The following ABCC4 variants were observed in gnomAD, a reference collection of about 807,000 sequenced individuals.
ABCC4 encodes the protein ATP binding cassette subfamily C member 4 (PEL blood group).
Under a neutral mutation model 168.5 loss-of-function variants are expected in ABCC4, and 102 were observed. The observed-to-expected ratio is 0.61, with a 90% confidence interval of 0.52 to 0.71. The LOEUF (loss-of-function observed/expected upper bound fraction) is 0.71, where lower values mean the gene tolerates loss of function less well. ABCC4 is among the 30% of genes least tolerant of loss of function. The pLI is 0.00. For missense variants in ABCC4, 1,402 were observed against 1,605.8 expected (o/e 0.87, Z 2.17); for synonymous variants, 617 against 590.7 (o/e 1.04, Z -0.65).
intron 1 of ABCC4, among the ~76,000 whole-genome samples, chr13:95,288,568 G>A (rs1181154711): frequency 6.6e-6 from 1 of 152,204 alleles, no homozygotes; most frequent in African/African-American, 2.4e-5. Flanking sequence ...CACTTTGGGA[G>A]GCTGAGGTGG....
At chr13:95,301,099 C>T (rs1316149311) in intron 1 of ABCC4, 142 bp downstream of exon 1, 1 of 740,354 alleles carries the variant, frequency 1.4e-6, no homozygotes, top group Non-Finnish European at 2.0e-6. Context: ...CAGAAAGCCC[C>T]GGCGTGGACC....
At chr13:95,212,348 A>C (rs1372315805) in intron 4 of ABCC4, among the ~76,000 whole-genome samples, 1 of 152,150 alleles carries the variant, frequency 6.6e-6, no homozygotes, top group African/African-American at 2.4e-5. Context: ...ACTATCTGTA[A>C]ATATTTATAA....
intron 9 of ABCC4, among the ~76,000 whole-genome samples, chr13:95,192,240 G>A (rs17268122): frequency 2.0e-5 from 3 of 151,998 alleles, no homozygotes; most frequent in East Asian, 1.9e-4. Flanking sequence ...GTCTTTCTCC[G>A]AAATCCCAGC....
chr13:95,186,906 T>TA lies in ABCC4; in HGVS notation c.1354-15dup, dbSNP rs1361220911. The TA allele has an allele frequency of 1.8e-5, 28 of 1,595,070 alleles. No individual in the cohort carries two copies. Among genetic ancestry groups the TA allele is most frequent in the African/African-American group, 1.3e-4 (10 of 74,300 alleles). On this transcript the variant is annotated splice_polypyrimidine_tract_variant and intron_variant, in intron 10 of 30. Transcript: ENST00000645237. ...TAACAGTGATGACTGAAACAGATTG[T>TA]AAAAAAGCACATGTTCAGTCAACAC...
At chr13:95,182,266 G>T (rs1462209711) in intron 11 of ABCC4, among the ~76,000 whole-genome samples, 1 of 152,210 alleles carries the variant, frequency 6.6e-6, no homozygotes, top group East Asian at 1.9e-4. Flanking sequence ...TTATAAGATA[G>T]TGGGTACACC....
chr13:95,039,997 G>A (rs1301864948), intron 29 of ABCC4, among the ~76,000 whole-genome samples: 1 of 152,222 alleles, frequency 6.6e-6, no homozygotes, highest in African/African-American at 2.4e-5. Context: ...TGAAAGGGGT[G>A]TACGGAGAGT....
At chr13:95,198,050 G>T (rs747029390) in intron 8 of ABCC4, among the ~76,000 whole-genome samples, 4 of 152,088 alleles carry the variant, frequency 2.6e-5, no homozygotes, top group Non-Finnish European at 5.9e-5. Flanking sequence ...CATAGGCATG[G>T]CAAAGACTTC....
In ABCC4 at chr13:95,044,517, T is replaced by C. The variant is rs1013774832; in HGVS notation, c.3457-79A>G. ...GTCAAGCCTCATAGACATTAGAACC[T>C]TCAAGTCCCTTCTCTCGAGAGATAT... is the stretch of plus-strand genomic sequence containing the variant. On this transcript the variant is annotated intron_variant, in intron 27 of 30. Transcript: ENST00000645237. 11 of 1,258,356 alleles carry C rather than the reference T, an allele frequency of 8.7e-6. 1 individual carries two copies. In the Admixed American group the frequency reaches 2.8e-4, roughly 32 times the overall value. 77.9% of individuals were successfully genotyped at this position (1,258,356 alleles called of 1,614,324 possible). A position where few individuals can be genotyped will look rare whatever the true frequency, so the allele number is the denominator to read the frequency against.
At chr13:95,258,369 C>T (rs971335861) in intron 1 of ABCC4, among the ~76,000 whole-genome samples, 1 of 152,146 alleles carries the variant, frequency 6.6e-6, no homozygotes, top group African/African-American at 2.4e-5. Flanking sequence ...CCCGTTTGTC[C>T]CCTTGCGTGC....
Position 95,247,099 on chromosome 13 carries a change from C to A in ABCC4, c.186-4G>T, listed in dbSNP as rs766357757. 1.2e-6 allele frequency: 2 copies of A among 1,608,504 alleles called. No individual in the cohort carries two copies. The highest frequency in any genetic ancestry group is 3.4e-5 in the Admixed American group (2 of 58,426). On this transcript the variant is annotated splice_polypyrimidine_tract_variant and splice_region_variant and intron_variant, in intron 2 of 30. Transcript: ENST00000645237. ...TAAAACTTCTTTATCCCAGAACCTA[C>A]AATGAGGAAAAAGCTTCGTAAATAA...
At chr13:95,096,187 AG>A in intron 20 of ABCC4, 4 of 646,360 alleles carry the variant, frequency 6.2e-6, no homozygotes, top group Non-Finnish European at 5.5e-6. Flanking sequence ...TCTCTATGAA[AG>A]AAAAAAAAAA....
chr13:95,108,188 G>A (rs892090537), intron 20 of ABCC4, among the ~76,000 whole-genome samples: 2 of 151,990 alleles, frequency 1.3e-5, no homozygotes, highest in East Asian at 1.9e-4. Context: ...AAAGACACAG[G>A]GGGTAAGAAA....
At chr13:95,285,565 T>C (rs983798935) in intron 1 of ABCC4, among the ~76,000 whole-genome samples, 27 of 152,198 alleles carry the variant, frequency 1.8e-4, no homozygotes, top group African/African-American at 5.8e-4. Flanking sequence ...AATAAATAAA[T>C]AGCAGTTCCA....
chr13:95,052,477 A>G (rs1185637453), intron 27 of ABCC4, among the ~76,000 whole-genome samples: 2 of 152,200 alleles, frequency 1.3e-5, no homozygotes, highest in African/African-American at 4.8e-5. Context: ...AGGGTGAGAA[A>G]ATTTCAAGAA....
chr13:95,088,551 T>G (rs1040137996), intron 20 of ABCC4, among the ~76,000 whole-genome samples: 29 of 152,164 alleles, frequency 1.9e-4, no homozygotes, highest in African/African-American at 6.3e-4. Flanking sequence ...GGATTTAACA[T>G]GAAATCAATG....
At chr13:95,278,494 G>A (rs1297105382) in intron 1 of ABCC4, among the ~76,000 whole-genome samples, 1 of 152,214 alleles carries the variant, frequency 6.6e-6, no homozygotes, top group Non-Finnish European at 1.5e-5. Flanking sequence ...TTCCCAGGAG[G>A]ACCAAGCCCA....
intron 19 of ABCC4, among the ~76,000 whole-genome samples, chr13:95,151,605 A>AAGGAGAAGAAGGAGAAGAAGG (rs1555321599): frequency 1.3e-5 from 1 of 79,408 alleles, no homozygotes; most frequent in African/African-American, 7.3e-5. Context: ...GGAGGAGGAG[A>AAGGAGAAGAAGGAGAAGAAGG]AGGAGAAGGA....
rs1594299158 is a variant in ABCC4 at position 95,207,925 on chromosome 13, C to T, written c.786G>A (p.Arg262=). The change falls in exon 7 of 31, where the codon AGG becomes AGA. Residue 262 remains arginine, a splice_region_variant and synonymous_variant. Coordinates refer to ENST00000645237, the MANE Select transcript of ABCC4 (RefSeq NM_005845.5). The stretch of plus-strand genomic sequence containing the variant: ...CATCCGTGAAAGTTGCAGTTTTACT[C>T]CTAAGGGGAACCAGACACGGGAGAT... ...SCFGKLFSSL[R]SKTATFTDAR... is the part of the protein sequence containing the mutation. 1.2e-6 allele frequency: 2 copies of T among 1,612,962 alleles called. No homozygotes were observed. Among genetic ancestry groups the T allele is most frequent in the East Asian group, 2.2e-5 (1 of 44,856 alleles).
At chr13:95,240,906 G>C (rs540905396) in intron 3 of ABCC4, among the ~76,000 whole-genome samples, 307 of 152,238 alleles carry the variant, frequency 2.0e-3, no homozygotes, top group African/African-American at 7.1e-3. Flanking sequence ...AGGAGACAGA[G>C]GTTGCAGTGA....
Sources: allele counts gnomAD v4.1 joint callset (sites outside exome capture counted in the v4.1 genomes callset), GRCh38; gene constraint gnomAD v4.1.1; transcripts MANE v1.5; gene names NCBI Gene and HGNC (gene_info 2026-07-23, HGNC 2026-07-21).